Variants in SOCS2 observed in about 807,000 individuals in gnomAD.
SOCS2 encodes the protein suppressor of cytokine signaling 2.
Under a neutral mutation model 18.6 loss-of-function variants are expected in SOCS2, and 10 were observed. The ratio of observed to expected loss-of-function variants is 0.54; its 90% CI spans 0.33 to 0.91. The LOEUF (loss-of-function observed/expected upper bound fraction) is 0.91. SOCS2 is among the 40% of genes least tolerant of loss of function. The pLI is 0.02. For missense variants in SOCS2, 231 were observed against 247.2 expected, an observed-to-expected ratio of 0.93 and a Z score of 0.44; for synonymous variants, 104 against 104.0, an observed-to-expected ratio of 1.00 and a Z score of 0.00.
At chr12:93,607,965 T>A in the SOCS2 span, among the ~76,000 whole-genome samples, 1 of 152,160 alleles carries the variant, frequency 6.6e-6, no homozygotes, top group African/African-American at 2.4e-5. Flanking sequence ...TCAACTAAAT[T>A]TTGTTTTTAG....
the SOCS2 span, among the ~76,000 whole-genome samples, chr12:93,603,464 G>A: frequency 7.5e-4 from 114 of 152,242 alleles, no homozygotes; most frequent in Non-Finnish European, 1.2e-3. Flanking sequence ...ACAGCCTACG[G>A]TTTTGACCAC....
the SOCS2 span, among the ~76,000 whole-genome samples, chr12:93,608,917 G>C: frequency 1.3e-5 from 2 of 152,164 alleles, no homozygotes; most frequent in African/African-American, 4.8e-5. Context: ...GAATTTTCTA[G>C]ATGAGGATAA....
chr12:93,579,797 A>G (rs1565844193), downstream of SOCS2, among the ~76,000 whole-genome samples: 1 of 152,170 alleles, frequency 6.6e-6, no homozygotes, highest in Non-Finnish European at 1.5e-5. Flanking sequence ...GGCTTTTCCT[A>G]TCTACCCCTT....
chr12:93,573,343 C>T, intron 1 of SOCS2: 1 of 502,206 alleles, frequency 2.0e-6, no homozygotes, highest in South Asian at 3.5e-5. Flanking sequence ...GGCTCGAACC[C>T]CGGCCGGGGA....
the SOCS2 span, among the ~76,000 whole-genome samples, chr12:93,588,615 A>ATT: frequency 5.0e-3 from 708 of 141,130 alleles, 5 homozygotes; most frequent in African/African-American, 0.018. Context: ...GAGACAGTGA[A>ATT]TTTTTTTTTT....
the SOCS2 span, among the ~76,000 whole-genome samples, chr12:93,607,284 G>T: frequency 6.6e-6 from 1 of 152,154 alleles, no homozygotes; most frequent in South Asian, 2.1e-4. Flanking sequence ...ATTGAAACCA[G>T]CTTTTGCTTT....
the SOCS2 span, among the ~76,000 whole-genome samples, chr12:93,620,849 A>G: frequency 1.3e-5 from 2 of 152,244 alleles, no homozygotes; most frequent in Non-Finnish European, 2.9e-5. Context: ...CTATTTTGTA[A>G]TTCATCTTGT....
the SOCS2 span, among the ~76,000 whole-genome samples, chr12:93,597,691 A>G: frequency 1.3e-5 from 2 of 152,212 alleles, no homozygotes; most frequent in Non-Finnish European, 2.9e-5. Context: ...ATATTGTAAC[A>G]ATACTTATGT....
At chr12:93,625,013 G>C in the SOCS2 span, among the ~76,000 whole-genome samples, 1 of 152,204 alleles carries the variant, frequency 6.6e-6, no homozygotes, top group Admixed American at 6.5e-5. Flanking sequence ...AATCCCCTGA[G>C]ATAATCTTTT....
the SOCS2 span, among the ~76,000 whole-genome samples, chr12:93,597,925 G>A: frequency 6.6e-6 from 1 of 152,140 alleles, no homozygotes; most frequent in Non-Finnish European, 1.5e-5. Flanking sequence ...GTTTAGCTTT[G>A]TAGGTTTTAA....
the SOCS2 span, among the ~76,000 whole-genome samples, chr12:93,604,141 T>A: frequency 3.9e-5 from 6 of 151,972 alleles, no homozygotes; most frequent in African/African-American, 9.7e-5. Flanking sequence ...TAAAAAAGCT[T>A]TGAAACATCC....
chr12:93,614,498 T>C, the SOCS2 span, among the ~76,000 whole-genome samples: 1 of 52,120 alleles, frequency 1.9e-5, no homozygotes, highest in South Asian at 7.6e-4. Context: ...CTTCCTTCCT[T>C]CCTTCCTTCC....
downstream of SOCS2, among the ~76,000 whole-genome samples, chr12:93,577,173 GGAAAAAGTTCT>G (rs1954478655): frequency 6.6e-6 from 1 of 152,160 alleles, no homozygotes. Context: ...CTGTGAAATT[GGAAAAAGTTCT>G]GAGTTACTGC....
At chr12:93,614,543 CTTTCTTT>C in the SOCS2 span, among the ~76,000 whole-genome samples, 18 of 26,726 alleles carry the variant, frequency 6.7e-4, 1 homozygote, top group African/African-American at 1.7e-3. Flanking sequence ...TTCCTTCCTT[CTTTCTTT>C]CTTTCTTTCT....
chr12:93,616,437 G>T, the SOCS2 span, among the ~76,000 whole-genome samples: 1 of 152,180 alleles, frequency 6.6e-6, no homozygotes, highest in Non-Finnish European at 1.5e-5. Context: ...GATCTCTGTA[G>T]GAGCTAATTA....
At chr12:93,595,905 T>A in the SOCS2 span, among the ~76,000 whole-genome samples, 2 of 132,012 alleles carry the variant, frequency 1.5e-5, no homozygotes, top group Admixed American at 1.5e-4. Flanking sequence ...AATTTGTTTT[T>A]AATTTTTTTT....
chr12:93,623,526 G>T, the SOCS2 span, among the ~76,000 whole-genome samples: 8 of 151,934 alleles, frequency 5.3e-5, no homozygotes, highest in African/African-American at 1.9e-4. Context: ...GTGCTGCACC[G>T]GGAAGTTCTT....
downstream of SOCS2, among the ~76,000 whole-genome samples, chr12:93,586,073 C>T (rs1008236202): frequency 4.0e-5 from 6 of 151,386 alleles, no homozygotes; most frequent in South Asian, 4.2e-4. Context: ...CAAATATTTT[C>T]GTTCTGTGGT....
At chr12:93,584,162 A>C (rs1050031138), downstream of SOCS2, among the ~76,000 whole-genome samples, 3 of 152,228 alleles carry the variant, frequency 2.0e-5, no homozygotes, top group East Asian at 5.8e-4. Flanking sequence ...ACAATAGAAA[A>C]GTAACTGATT....
Sources: gnomAD v4.1 joint callset for allele counts (sites outside exome capture counted in the v4.1 genomes callset) on GRCh38, gnomAD v4.1.1 for gene constraint, MANE v1.5 for transcripts, NCBI Gene and HGNC (gene_info 2026-07-23, HGNC 2026-07-21) for gene names.